Variants in SORBS2 observed in about 807,000 individuals in gnomAD.
SORBS2 encodes sorbin and SH3 domain-containing protein 2.
SORBS2 carries 46 observed loss-of-function variants against 97.7 expected under a neutral mutation model. That is an observed-to-expected ratio of 0.47 (90% CI 0.37 to 0.60). SORBS2 has a LOEUF of 0.60. SORBS2 is among the 20% of genes least tolerant of loss of function. The probability of loss-of-function intolerance (pLI) is 0.00; values close to 1 mark genes in which losing one functional copy is unlikely to be tolerated. For missense variants in SORBS2, 1,316 were observed against 1,282.3 expected (o/e 1.03, Z -0.40); for synonymous variants, 476 against 473.4 (o/e 1.01, Z -0.07).
At chr4:185,729,781 A>G (rs72702088) in intron 2 of SORBS2, among the ~76,000 whole-genome samples, 4,552 of 152,336 alleles carry the variant, frequency 0.03, 72 homozygotes, top group Middle Eastern at 0.044. Context: ...TTTCTTGTAC[A>G]GTACAACTTA....
intron 1 of SORBS2, among the ~76,000 whole-genome samples, chr4:185,820,695 T>C (rs1426485736): frequency 6.6e-6 from 1 of 152,236 alleles, no homozygotes; most frequent in Non-Finnish European, 1.5e-5. Context: ...AGAGGCACCG[T>C]GTTCTTTAAG....
intron 2 of SORBS2, among the ~76,000 whole-genome samples, chr4:185,741,948 C>T (rs2098729967): frequency 6.6e-6 from 1 of 152,174 alleles, no homozygotes; most frequent in Admixed American, 6.5e-5. Context: ...TCACCACCTA[C>T]ATTTCCCAAC....
At chr4:185,939,087 T>G (rs1187623353) in intron 1 of SORBS2, among the ~76,000 whole-genome samples, 1 of 152,230 alleles carries the variant, frequency 6.6e-6, no homozygotes, top group Non-Finnish European at 1.5e-5. Context: ...CTTTAACCTC[T>G]GCGCCCTGGC....
intron 1 of SORBS2, among the ~76,000 whole-genome samples, chr4:185,829,093 C>G (rs1579100556): frequency 6.6e-6 from 1 of 152,324 alleles, no homozygotes; most frequent in East Asian, 1.9e-4. Flanking sequence ...AAAACCTGGC[C>G]TCAATCCTTG....
intron 2 of SORBS2, among the ~76,000 whole-genome samples, chr4:185,680,216 C>G (rs1337311481): frequency 1.3e-5 from 2 of 151,996 alleles, no homozygotes; most frequent in East Asian, 3.8e-4. Flanking sequence ...GCTATTTTGT[C>G]CAGGCTGTCC....
chr4:185,688,115 C>A (rs1329836574), intron 2 of SORBS2, among the ~76,000 whole-genome samples: 1 of 152,048 alleles, frequency 6.6e-6, no homozygotes, highest in East Asian at 1.9e-4. Context: ...CTAAGATATG[C>A]CTAAGAAAGT....
At chr4:185,630,762 G>A (rs1036833603) in intron 4 of SORBS2, among the ~76,000 whole-genome samples, 164 bp from the exon 17 acceptor site, 4 of 152,074 alleles carry the variant, frequency 2.6e-5, no homozygotes, top group African/African-American at 7.2e-5. Context: ...GAGATCATGC[G>A]ACCTGATTTC....
intron 2 of SORBS2, among the ~76,000 whole-genome samples, chr4:185,754,015 A>C (rs1039062755): frequency 6.6e-6 from 1 of 152,232 alleles, no homozygotes; most frequent in Non-Finnish European, 1.5e-5. Flanking sequence ...TCATTGCAGC[A>C]TCATTCACAA....
At position 185,622,907 on chromosome 4, in the gene SORBS2, C is replaced by A; in HGVS notation, c.2215+7G>T. 2 of 1,576,660 alleles carry A rather than the reference C, an allele frequency of 1.3e-6. No homozygotes were observed. The highest frequency in any genetic ancestry group is 2.3e-5 in the South Asian group (2 of 87,588). ...CCACAAGGAAAAAGAAAGAAAAGCT[C>A]ATCCACCTTGGAGTGCACCGCCACG... On this transcript the variant is annotated splice_region_variant and intron_variant, in intron 7 of 14. Coordinates refer to ENST00000418609, the Ensembl canonical transcript of SORBS2.
rs534045404 is a variant in SORBS2 at position 185,759,906 on chromosome 4, C to T, written c.-198+15321G>A. ...AGTCATTAGCAATAATCTAAGCCAA[C>T]GTTAGCAATCCATTAAGGTTAGACA... On this transcript the variant is annotated intron_variant, in intron 2 of 20. Transcript: ENST00000284776. 7.8e-4 allele frequency among the ~76,000 whole-genome samples: 119 copies of T among 152,274 alleles called. No homozygotes were observed. The Middle Eastern group carries it at 0.01, about 13-fold the overall frequency.
At chr4:185,748,219 T>A (rs1424448718) in intron 2 of SORBS2, among the ~76,000 whole-genome samples, 1 of 152,092 alleles carries the variant, frequency 6.6e-6, no homozygotes, top group Non-Finnish European at 1.5e-5. Flanking sequence ...TGGGGCTTCA[T>A]CAGGTAGGGC....
intron 1 of SORBS2, among the ~76,000 whole-genome samples, chr4:185,927,041 A>C (rs2099264049): frequency 6.6e-6 from 1 of 151,434 alleles, no homozygotes; most frequent in Non-Finnish European, 1.5e-5. Context: ...AGTCAATTTT[A>C]TATGTGATAT....
chr4:185,743,566 T>A (rs756422863), intron 2 of SORBS2, among the ~76,000 whole-genome samples: 3 of 152,204 alleles, frequency 2.0e-5, no homozygotes, highest in Non-Finnish European at 4.4e-5. Flanking sequence ...TGTACACACC[T>A]AGTAGTTTAG....
chr4:185,644,564 C>T (rs576264664), intron 4 of SORBS2, among the ~76,000 whole-genome samples: 7 of 152,300 alleles, frequency 4.6e-5, no homozygotes, highest in African/African-American at 1.7e-4. Context: ...GGGCTCAACT[C>T]CTAGTTCTGG....
intron 1 of SORBS2, among the ~76,000 whole-genome samples, chr4:185,800,568 C>T (rs72703844): frequency 6.6e-6 from 1 of 152,164 alleles, no homozygotes; most frequent in Non-Finnish European, 1.5e-5. Flanking sequence ...GATCTTGCCC[C>T]TGGGGTAGCC....
intron 11 of SORBS2, among the ~76,000 whole-genome samples, chr4:185,613,769 C>A (rs187853744): frequency 1.3e-5 from 2 of 151,900 alleles, no homozygotes; most frequent in African/African-American, 2.4e-5. Context: ...ATTGGTGAAG[C>A]CTTTCTGTAG....
At chr4:185,611,478 C>T (rs957451102) in intron 12 of SORBS2, among the ~76,000 whole-genome samples, 5 of 151,810 alleles carry the variant, frequency 3.3e-5, no homozygotes, top group African/African-American at 7.3e-5. Flanking sequence ...CATTTATGTA[C>T]ACAGGAGTAC....
At chr4:185,676,275 G>A (rs1582494323) in intron 4 of SORBS2, among the ~76,000 whole-genome samples, 1 of 152,258 alleles carries the variant, frequency 6.6e-6, no homozygotes, top group South Asian at 2.1e-4. Flanking sequence ...AATGATGCCT[G>A]GATTAAAATC....
At chr4:185,759,418 A>G (rs2098850949) in intron 2 of SORBS2, among the ~76,000 whole-genome samples, 2 of 152,202 alleles carry the variant, frequency 1.3e-5, no homozygotes, top group Non-Finnish European at 1.5e-5. Flanking sequence ...GAAACAGAAC[A>G]GAGTTTGTGT....
Sources: gnomAD v4.1 joint callset for allele counts (sites outside exome capture counted in the v4.1 genomes callset) on GRCh38, gnomAD v4.1.1 for gene constraint, MANE v1.5 for transcripts, NCBI Gene and HGNC (gene_info 2026-07-23, HGNC 2026-07-21) for gene names.